Variants in FCHO1 observed in about 807,000 individuals in gnomAD.
FCHO1 encodes FCH and mu domain containing endocytic adaptor 1, also known as F-BAR domain only protein 1.
Under a neutral mutation model 114.4 loss-of-function variants are expected in FCHO1, and 45 were observed. The ratio of observed to expected loss-of-function variants is 0.39; its 90% CI spans 0.31 to 0.50. The LOEUF (loss-of-function observed/expected upper bound fraction) is 0.50, where lower values mean the gene tolerates loss of function less well. Ranked by LOEUF, FCHO1 falls within the 20% of genes least tolerant of loss-of-function variation. The pLI is 0.77. For synonymous variants in FCHO1, 480 were observed against 488.9 expected (o/e 0.98, Z 0.24); for missense variants, 1,042 against 1,209.6 (o/e 0.86, Z 2.06).
Position 17,778,636 on chromosome 19 carries a change from G to A in FCHO1, c.1379G>A (p.Ser460Asn). The change falls in exon 20 of 29, where the codon AGC (serine) becomes AAC (asparagine). Residue 460 changes from serine to asparagine, a missense_variant. Coordinates refer to ENST00000596536, the MANE Select transcript of FCHO1 (RefSeq NM_015122.3). ...TGSSSLGFTS[S>N]PSPFSSSSPE... ...TCTAGCAGCCTGGGCTTCACCTCCA[G>A]CCCCTCCCCTTTCTCCTCCTCGTCG... The A allele has an allele frequency of 1.3e-6, 2 of 1,576,834 alleles. No individual in the cohort carries two copies. The highest frequency in any genetic ancestry group is 1.7e-6 in the Non-Finnish European group (2 of 1,164,452).
In FCHO1 at chr19:17,770,504, A is replaced by G; in HGVS notation, c.416A>G (p.Glu139Gly). 1 of 1,614,002 alleles carries G rather than the reference A, an allele frequency of 6.2e-7. No homozygotes were observed. The highest frequency in any genetic ancestry group is 8.5e-7 in the Non-Finnish European group (1 of 1,179,906). The change falls in exon 8 of 29, where the codon GAG becomes GGG. Residue 139 changes from glutamate (E) to glycine (G), a missense_variant. By Grantham distance (98) the Glu-to-Gly change is moderately conservative. This residue lies in a region of FCHO1 where 450 missense variants were observed against 564.1 expected (regional missense o/e 0.80). Coordinates refer to ENST00000596536, the MANE Select transcript of FCHO1 (RefSeq NM_015122.3). ...AGCCAGCTCCTGCCCAAGTCCCGCG[A>G]GAACTACCTGAACCGTTGCATGGAC... ...GVSQLLPKSR[E>G]NYLNRCMDQE...
Position 17,776,159 on chromosome 19 carries a change from G to T in FCHO1, c.1180G>T (p.Gly394Trp), listed in dbSNP as rs774813558. The T allele has an allele frequency of 1.9e-6, 3 of 1,613,934 alleles. No homozygotes were observed. Among genetic ancestry groups the T allele is most frequent in the Admixed American group, 1.7e-5 (1 of 60,018 alleles). ...AGSLILPPGP[G>W]GTMKRHSSRD... ...CAGCCTCATCCTTCCTCCTGGCCCAGGGGTGAGGCGTGGGAGGGGTGCCCT... is the reference window on the plus strand; with the variant it reads ...CAGCCTCATCCTTCCTCCTGGCCCATGGGTGAGGCGTGGGAGGGGTGCCCT... Residue 394 changes from glycine (G) to tryptophan (W), a missense_variant and splice_region_variant, in exon 16 of 29, where the codon GGG becomes TGG. Physicochemically the swap from Gly to Trp is radical, Grantham distance 184 (BLOSUM62 -2). This residue lies in a region of FCHO1 where 450 missense variants were observed against 564.1 expected (regional missense o/e 0.80). Transcript: ENST00000596536. The surrounding 1 kb of genome is among the most constrained non-coding windows in gnomAD (Gnocchi z 4.4).
intron 7 of FCHO1, among the ~76,000 whole-genome samples, chr19:17,768,419 C>T (rs1468151230): frequency 6.6e-6 from 1 of 151,896 alleles, no homozygotes. Context: ...TAGCCAGGAG[C>T]GATGGCTCAT....
At chr19:17,781,669 A>T (rs2042299) in intron 22 of FCHO1, 43 bp from the exon 23 acceptor site, 26 of 1,544,688 alleles carry the variant, frequency 1.7e-5, no homozygotes, top group Non-Finnish European at 2.2e-5. Context: ...CTATATTCAC[A>T]CTGTCTATCC....
intron 4 of FCHO1, among the ~76,000 whole-genome samples, chr19:17,761,847 G>C (rs1337489359): frequency 1.3e-5 from 2 of 150,634 alleles, no homozygotes; most frequent in Non-Finnish European, 3.0e-5. Context: ...TTTTAGTAGA[G>C]ACAGGGTTTC....
chr19:17,770,984 T>C, intron 9 of FCHO1, 88 bp downstream of exon 9: 1 of 1,166,394 alleles, frequency 8.6e-7, no homozygotes, highest in Non-Finnish European at 1.2e-6. Context: ...CAGGGTGTGG[T>C]GGCTCACACC....
chr19:17,771,656 G>A (rs973370615), intron 9 of FCHO1, among the ~76,000 whole-genome samples: 2 of 151,628 alleles, frequency 1.3e-5, no homozygotes, highest in African/African-American at 2.4e-5. Flanking sequence ...GCGACAGAGC[G>A]AGACTCTGTC....
At position 17,787,760 on chromosome 19, in the gene FCHO1, G is replaced by C. The variant is rs1368726770; in HGVS notation, c.2561G>C (p.Ser854Thr). The C allele has an allele frequency of 3.7e-6, 6 of 1,607,374 alleles. No homozygotes were observed. The highest frequency in any genetic ancestry group is 5.1e-6 in the Non-Finnish European group (6 of 1,177,952). Residue 854 changes from serine to threonine, a missense_variant, in exon 28 of 29, where the codon AGC (serine) becomes ACC (threonine). Around this residue, in one of 3 missense-constraint regions of FCHO1, gnomAD observed 137 missense variants for 190.0 expected, o/e 0.72. Coordinates refer to ENST00000596536, the MANE Select transcript of FCHO1 (RefSeq NM_015122.3). ...AGCCCCGTGGCTGCACAGTTCACCA[G>C]CGAGGGGACCACTCTGTCGGGCGTG... is the stretch of plus-strand genomic sequence containing the variant. ...TPSPVAAQFT[S>T]EGTTLSGVDL...
rs1399212598 is a variant in FCHO1, at chr19:17,788,536, T to G, written c.*230T>G. ...TGTTCTTTGAATAAACACTTTATTT[T>G]CTAATAAAATAAAAAAGGAAACCTT... is the stretch of plus-strand genomic sequence containing the variant. On this transcript the variant is annotated 3_prime_UTR_variant, in exon 29 of 29. Transcript: ENST00000596536. The G allele has an allele frequency of 1.9e-6, 1 of 525,404 alleles. No individual in the cohort carries two copies. Among genetic ancestry groups the G allele is most frequent in the African/African-American group, 2.0e-5 (1 of 50,610 alleles). 32.5% of individuals were successfully genotyped at this position (525,404 alleles called of 1,614,324 possible).
rs899970330 is a variant in FCHO1 at position 17,787,639 on chromosome 19, C to T, written c.2483-43C>T. The stretch of plus-strand genomic sequence containing the variant: ...AGATGAGCCTGGTTCACAGCTGGGA[C>T]GGGGGCTGGTGCCAGGGCGCAGCTG... On this transcript the variant is annotated intron_variant, in intron 27 of 28. Transcript: ENST00000596536. The T allele has an allele frequency of 3.7e-5, 56 of 1,517,714 alleles. 1 individual carries two copies. Among genetic ancestry groups the T allele is most frequent in the Admixed American group, 1.8e-4 (9 of 49,064 alleles). The allele number at this position is 1,517,714 out of a possible 1,614,324, so 94.0% of individuals were successfully genotyped here.
At chr19:17,787,590 C>T in intron 27 of FCHO1, 92 bp from the exon 28 acceptor site, 7 of 1,402,322 alleles carry the variant, frequency 5.0e-6, no homozygotes, top group Non-Finnish European at 3.8e-6. Flanking sequence ...GGCCACAGAA[C>T]AGAGGGCTTC....
rs1179705674 is a variant in FCHO1 at position 17,776,107 on chromosome 19, A to G, written c.1128A>G (p.Ala376=). ...CTCCAGCCTGCAGCCCCGAGGCAGC[A>G]GCGGCACAGCTCAGGGCCACCGCGG... ...ARAPACSPEA[A]AAQLRATAGS... The change falls in exon 16 of 29, where the codon GCA becomes GCG. Residue 376 remains alanine, a synonymous_variant. Transcript: ENST00000596536. This position sits in a 1 kb window ranked among gnomAD's most constrained non-coding sequence, Gnocchi z 4.4. The G allele has an allele frequency of 1.8e-5, 29 of 1,612,802 alleles. No homozygotes were observed. The highest frequency in any genetic ancestry group is 2.3e-5 in the Non-Finnish European group (27 of 1,179,900).
intron 7 of FCHO1, among the ~76,000 whole-genome samples, chr19:17,769,638 G>A (rs942661204): frequency 1.4e-5 from 2 of 147,682 alleles, no homozygotes; most frequent in Admixed American, 6.8e-5. Context: ...CACACAAAAC[G>A]GTGAGTTAAG....
chr19:17,758,988 A>G (rs1262396399), intron 4 of FCHO1, among the ~76,000 whole-genome samples: 1 of 151,988 alleles, frequency 6.6e-6, no homozygotes, highest in African/African-American at 2.4e-5. Context: ...ATAGAAAAAT[A>G]TGTATAACAT....
At chr19:17,771,513 A>C (rs960351431) in intron 9 of FCHO1, among the ~76,000 whole-genome samples, 1 of 145,376 alleles carries the variant, frequency 6.9e-6, no homozygotes, top group African/African-American at 2.5e-5. Flanking sequence ...CTAAAAATAC[A>C]AAAAAATTAG....
At chr19:17,756,331 G>A (rs763095814) in intron 4 of FCHO1, among the ~76,000 whole-genome samples, 8 of 152,204 alleles carry the variant, frequency 5.3e-5, no homozygotes, top group South Asian at 2.1e-4. Flanking sequence ...TAGTACTGCC[G>A]TGTAATGGAG....
intron 5 of FCHO1, among the ~76,000 whole-genome samples, chr19:17,763,478 G>T (rs183740602): frequency 1.3e-5 from 2 of 151,498 alleles, no homozygotes; most frequent in Admixed American, 6.6e-5. Context: ...TGGCCAGGCG[G>T]GTCTCAAACT....
intron 7 of FCHO1, among the ~76,000 whole-genome samples, chr19:17,770,167 G>A (rs1456740630): frequency 6.6e-6 from 1 of 152,184 alleles, no homozygotes; most frequent in East Asian, 1.9e-4. Context: ...TGGGTGTGAT[G>A]GTGAGCACCT....
At chr19:17,769,434 G>A (rs867934552) in intron 7 of FCHO1, among the ~76,000 whole-genome samples, 1 of 151,614 alleles carries the variant, frequency 6.6e-6, no homozygotes, top group Admixed American at 6.6e-5. Flanking sequence ...AGAAAAATTA[G>A]CCGGGCGTGG....
Sources: allele counts gnomAD v4.1 joint callset (sites outside exome capture counted in the v4.1 genomes callset), GRCh38; gene constraint gnomAD v4.1.1; regional missense constraint gnomAD v4.1.1; non-coding constraint Gnocchi (gnomAD v3.1); transcripts MANE v1.5; gene names NCBI Gene and HGNC (gene_info 2026-07-23, HGNC 2026-07-21).